Variants in KCNJ5 observed in about 807,000 individuals in gnomAD.
KCNJ5 encodes the protein G protein-activated inward rectifier potassium channel 4.
KCNJ5 carries 12 observed loss-of-function variants against 20.2 expected under a neutral mutation model. That is an observed-to-expected ratio of 0.59 (90% CI 0.38 to 0.96). KCNJ5 has a LOEUF of 0.96. KCNJ5 is among the 40% of genes least tolerant of loss of function. The pLI is 0.00. For synonymous variants in KCNJ5, 210 were observed against 213.9 expected, an observed-to-expected ratio of 0.98 and a Z score of 0.16; for missense variants, 449 against 557.6, an observed-to-expected ratio of 0.81 and a Z score of 1.96.
At chr11:128,895,559 C>T (rs778033541) in intron 1 of KCNJ5, among the ~76,000 whole-genome samples, 5 of 152,226 alleles carry the variant, frequency 3.3e-5, no homozygotes, top group Non-Finnish European at 1.5e-5. Context: ...AAGGCTTCCC[C>T]GGCCAAGTCA....
intron 1 of KCNJ5, chr11:128,904,562 A>G (rs267602773): frequency 1.9e-5 from 21 of 1,085,158 alleles, no homozygotes; most frequent in Non-Finnish European, 5.7e-6. Context: ...CAGCCGCGTC[A>G]ACATCACTGC....
At chr11:128,894,862 C>G (rs1028511609) in intron 1 of KCNJ5, among the ~76,000 whole-genome samples, 3 of 152,184 alleles carry the variant, frequency 2.0e-5, no homozygotes, top group African/African-American at 4.8e-5. Context: ...TGGCGGGAAC[C>G]CTTGCCAAGA....
intron 1 of KCNJ5, chr11:128,903,367 C>T: frequency 6.2e-7 from 1 of 1,614,094 alleles, no homozygotes; most frequent in South Asian, 1.1e-5. Context: ...CTGCACTCAC[C>T]TCACACAGCC....
In KCNJ5 at chr11:128,916,665, T is replaced by C. The variant is rs752699083; in HGVS notation, c.1194T>C (p.Ala398=). The stretch of plus-strand genomic sequence containing the variant: ...CTGAGGCAGGGCTGGATGCAGAGGC[T>C]GAGCAGAATGAAGAAGATGAGCCCA... ...GCAEAGLDAE[A]EQNEEDEPKG... Residue 398 remains alanine, a synonymous_variant, in exon 3 of 3, where the codon GCT becomes GCC. Coordinates refer to ENST00000529694, the MANE Select transcript of KCNJ5 (RefSeq NM_000890.5). The C allele has an allele frequency of 1.9e-6, 3 of 1,612,194 alleles. No homozygotes were observed. The highest frequency in any genetic ancestry group is 1.7e-5 in the Admixed American group (1 of 59,584).
chr11:128,895,934 T>C (rs1287547305), intron 1 of KCNJ5, among the ~76,000 whole-genome samples: 1 of 152,184 alleles, frequency 6.6e-6, no homozygotes, highest in Non-Finnish European at 1.5e-5. Flanking sequence ...CACAGGGCAG[T>C]AGGAGGGAGG....
At chr11:128,914,763 G>T (rs1431254042) in intron 2 of KCNJ5, among the ~76,000 whole-genome samples, 1 of 152,200 alleles carries the variant, frequency 6.6e-6, no homozygotes, top group Non-Finnish European at 1.5e-5. Flanking sequence ...CAATGACAGG[G>T]ACACACCAGG....
intron 1 of KCNJ5, among the ~76,000 whole-genome samples, chr11:128,909,451 G>C (rs547527273): frequency 6.6e-6 from 1 of 152,250 alleles, no homozygotes; most frequent in Non-Finnish European, 1.5e-5. Context: ...CATGTAGAGC[G>C]CTGCACTGGT....
chr11:128,916,376 G>A (rs537248185), intron 2 of KCNJ5, 33 bp from the exon 3 acceptor site: 3 of 1,475,756 alleles, frequency 2.0e-6, no homozygotes, highest in South Asian at 1.1e-5. Flanking sequence ...ATGGATGATT[G>A]CATCATAATG....
chr11:128,910,816 T>C (rs1363977143), intron 1 of KCNJ5, among the ~76,000 whole-genome samples: 2 of 152,232 alleles, frequency 1.3e-5, no homozygotes, highest in Non-Finnish European at 2.9e-5. Flanking sequence ...GCCTGATTCA[T>C]AAGCAAACAA....
rs775805645 is a variant in KCNJ5, at chr11:128,903,363, T to C, written c.-10-7901T>C. The C allele has an allele frequency of 1.9e-6, 3 of 1,613,960 alleles. No homozygotes were observed. The African/African-American group carries it at 4.0e-5, about 22-fold the overall frequency. ...GAAGAACGCGATCCGGCAGCTGCAC[T>C]CACCTCACACAGCCACAGCCGTGGG... On this transcript the variant is annotated intron_variant, in intron 1 of 2. Coordinates refer to ENST00000529694, the MANE Select transcript of KCNJ5 (RefSeq NM_000890.5).
chr11:128,897,323 C>G (rs1015461917), intron 1 of KCNJ5, among the ~76,000 whole-genome samples: 4 of 152,064 alleles, frequency 2.6e-5, no homozygotes, highest in African/African-American at 9.7e-5. Flanking sequence ...GTCTCGAACT[C>G]CTGACTTCAG....
In KCNJ5 at chr11:128,920,233, C is replaced by T. The variant is rs751486440; in HGVS notation, c.*3502C>T. 6.6e-6 allele frequency: 1 copy of T among 152,462 alleles called. No individual in the cohort carries two copies. The highest frequency in any genetic ancestry group is 1.5e-5 in the Non-Finnish European group (1 of 68,254). 9.4% of individuals were successfully genotyped at this position (152,462 alleles called of 1,614,324 possible). On this transcript the variant is annotated 3_prime_UTR_variant, in exon 3 of 3. Transcript: ENST00000529694. ...CAGAATGGGCATTGCCTTTGACTCT[C>T]CCCTTCAGACTCCCCTCCCACCGGC...
chr11:128,904,150 G>A (rs376023019), intron 1 of KCNJ5, among the ~76,000 whole-genome samples: 84 of 152,312 alleles, frequency 5.5e-4, no homozygotes, highest in African/African-American at 1.9e-3. Flanking sequence ...TCAGCACAAA[G>A]ATGGCACAGA....
Position 128,917,639 on chromosome 11 carries a change from T to C in KCNJ5, c.*908T>C, listed in dbSNP as rs913703494. 1 of 151,538 alleles carries C rather than the reference T, an allele frequency of 6.6e-6. No individual in the cohort carries two copies. The highest frequency in any genetic ancestry group is 1.5e-5 in the Non-Finnish European group (1 of 68,120). 9.4% of individuals were successfully genotyped at this position (151,538 alleles called of 1,614,324 possible). A position where few individuals can be genotyped will look rare whatever the true frequency, so the allele number is the denominator to read the frequency against. ...TTTGTTTTGTTTTGTTTTGTTTTTT[T>C]CACAATCTCAGCCAGCCTGCGGTGT... On this transcript the variant is annotated 3_prime_UTR_variant, in exon 3 of 3. Transcript: ENST00000529694.
chr11:128,919,171 G>C lies in KCNJ5; in HGVS notation c.*2440G>C, dbSNP rs1463291974. The stretch of plus-strand genomic sequence containing the variant: ...GAGCTCATGGGGGTCAACTAAGCGA[G>C]GGAGGGAAGGCGAAGGCAAAGCTGG... On this transcript the variant is annotated 3_prime_UTR_variant, in exon 3 of 3. Coordinates refer to ENST00000529694, the MANE Select transcript of KCNJ5 (RefSeq NM_000890.5). The C allele has an allele frequency of 6.6e-6, 1 of 152,452 alleles. No homozygotes were observed. Among genetic ancestry groups the C allele is most frequent in the East Asian group, 1.9e-4 (1 of 5,198 alleles). The allele number at this position is 152,452 out of a possible 1,614,324, so 9.4% of individuals were successfully genotyped here.
In KCNJ5 at chr11:128,891,435, C is replaced by CAGAGAGAGAGAGAGAGAG. The variant is rs886047994; in HGVS notation, c.-296_-295insGAGAGAGAGAGAGAGAGA. 9.4e-5 allele frequency: 8 copies of CAGAGAGAGAGAGAGAGAG among 85,170 alleles called. No homozygotes were observed. The highest frequency in any genetic ancestry group is 1.0e-3 in the South Asian group (2 of 1,976). The allele number at this position is 85,170 out of a possible 1,614,324, so 5.3% of individuals were successfully genotyped here. A position where few individuals can be genotyped will look rare whatever the true frequency, so the allele number is the denominator to read the frequency against. ...ACACACACACACACACACACACACA[C>CAGAGAGAGAGAGAGAGAG]ACACACAGAGAGAGAGAGAGAGAGA... On this transcript the variant is annotated 5_prime_UTR_variant, in exon 1 of 3. Coordinates refer to ENST00000529694, the MANE Select transcript of KCNJ5 (RefSeq NM_000890.5).
rs1279921024 is a variant in KCNJ5, at chr11:128,919,523, GA to G, written c.*2795del. 1.6e-4 allele frequency: 24 copies of G among 152,368 alleles called. No homozygotes were observed. Among genetic ancestry groups the G allele is most frequent in the Admixed American group, 1.4e-3 (21 of 15,302 alleles). The allele number at this position is 152,368 out of a possible 1,614,324, so 9.4% of individuals were successfully genotyped here. A position where few individuals can be genotyped will look rare whatever the true frequency, so the allele number is the denominator to read the frequency against. ...GAAGACTCCCCCTTCACATCCTGAGGAAATCCCCTTCCTGGTGACCAACTGA... is the reference window on the plus strand; with the variant it reads ...GAAGACTCCCCCTTCACATCCTGAGGAATCCCCTTCCTGGTGACCAACTGA... On this transcript the variant is annotated 3_prime_UTR_variant, in exon 3 of 3. Transcript: ENST00000529694.
At chr11:128,906,172 CT>C (rs1342283955) in intron 1 of KCNJ5, 1 of 152,140 alleles carries the variant, frequency 6.6e-6, no homozygotes, top group Non-Finnish European at 1.5e-5. Context: ...TTCGCAGCAG[CT>C]CTTTTTGGTG....
Position 128,917,294 on chromosome 11 carries a change from CCCT to C in KCNJ5, c.*564_*566del, listed in dbSNP as rs1944599768. On this transcript the variant is annotated 3_prime_UTR_variant, in exon 3 of 3. Transcript: ENST00000529694. ...TTACTGAGAGGTACAGAGCGTACAG[CCCT>C]TGGTGTTCTCTGCTGTTATCTGCCA... 6.5e-6 allele frequency: 1 copy of C among 153,694 alleles called. No homozygotes were observed. Among genetic ancestry groups the C allele is most frequent in the South Asian group, 2.1e-4 (1 of 4,854 alleles). 9.5% of individuals were successfully genotyped at this position (153,694 alleles called of 1,614,324 possible).
Sources: gnomAD v4.1 joint callset for allele counts (sites outside exome capture counted in the v4.1 genomes callset) on GRCh38, gnomAD v4.1.1 for gene constraint, MANE v1.5 for transcripts, NCBI Gene and HGNC (gene_info 2026-07-23, HGNC 2026-07-21) for gene names.